Variants in PAM observed in about 807,000 individuals in gnomAD.
PAM encodes the protein peptidyl-glycine alpha-amidating monooxygenase.
A neutral mutation model predicts 122.1 loss-of-function variants in PAM; 72 were observed. That is an observed-to-expected ratio of 0.59 (90% confidence interval 0.49 to 0.72). The LOEUF is 0.72. Among genes scored for constraint, PAM ranks in the 30% least tolerant of loss-of-function variants. The pLI is 0.00. For synonymous variants in PAM, 389 were observed against 404.4 expected (o/e 0.96, Z 0.46); for missense variants, 1,106 against 1,183.7 (o/e 0.93, Z 0.96).
chr5:103,008,130 C>CT (rs921187078), intron 20 of PAM, among the ~76,000 whole-genome samples: 4 of 151,828 alleles, frequency 2.6e-5, no homozygotes, highest in Non-Finnish European at 5.9e-5. Context: ...AAATCTTGAA[C>CT]TTTTTTCTCA....
At chr5:102,887,505 A>G (rs1431870768) in intron 3 of PAM, among the ~76,000 whole-genome samples, 1 of 151,704 alleles carries the variant, frequency 6.6e-6, no homozygotes, top group Non-Finnish European at 1.5e-5. Context: ...ATGGACTAAG[A>G]CAGTTGTGTT....
At position 102,866,380 on chromosome 5, in the gene PAM, G is replaced by A. The variant is rs1785566156; in HGVS notation, c.89+96G>A. ...TGTTGGCAAAATAGACGGGGTTGAT[G>A]TTCTTTGCTGGAATGACTTGGAATT... On this transcript the variant is annotated intron_variant, in intron 2 of 25. Coordinates refer to ENST00000438793, the MANE Select transcript of PAM (RefSeq NM_001177306.2). 4 of 786,318 alleles carry A rather than the reference G, an allele frequency of 5.1e-6. No individual in the cohort carries two copies. The South Asian group carries it at 5.8e-5, about 11-fold the overall frequency. 48.7% of individuals were successfully genotyped at this position (786,318 alleles called of 1,614,324 possible). A position where few individuals can be genotyped will look rare whatever the true frequency, so the allele number is the denominator to read the frequency against.
chr5:103,007,505 G>A lies in PAM; in HGVS notation c.2063G>A (p.Ser688Asn), dbSNP rs1235529352. 6.2e-7 allele frequency: 1 copy of A among 1,614,072 alleles called. No individual in the cohort carries two copies. The change falls in exon 20 of 26, where the codon AGC becomes AAC. Residue 688 changes from serine (S) to asparagine (N), a missense_variant. By Grantham distance (46) the Ser-to-Asn change is conservative. This residue lies in a region of PAM where 103 missense variants were observed against 157.9 expected (regional missense o/e 0.65). Coordinates refer to ENST00000438793, the MANE Select transcript of PAM (RefSeq NM_001177306.2). ...CCAGGCCAGTTCACTGTTCCTCACA[G>A]CTTGGCTCTTGTGCCTCTTTTGGGC... The part of the protein sequence containing the change: ...PLPGQFTVPH[S>N]LALVPLLGQL...
At chr5:102,783,230 CAA>C (rs11329964) in intron 1 of PAM, among the ~76,000 whole-genome samples, 5,319 of 122,164 alleles carry the variant, frequency 0.044, 285 homozygotes, top group African/African-American at 0.13. Flanking sequence ...CCAGATTTAG[CAA>C]AAAAAAAAAA....
chr5:102,846,609 G>C (rs1482634112), intron 1 of PAM, among the ~76,000 whole-genome samples: 5 of 152,152 alleles, frequency 3.3e-5, no homozygotes, highest in African/African-American at 1.2e-4. Context: ...GTTTATACAA[G>C]TGAAAGAGCA....
intron 7 of PAM, among the ~76,000 whole-genome samples, chr5:102,937,622 T>C (rs1753698892): frequency 6.6e-6 from 1 of 152,060 alleles, no homozygotes; most frequent in African/African-American, 2.4e-5. Context: ...GAGTTCAGAG[T>C]GACAGAATGA....
intron 1 of PAM, among the ~76,000 whole-genome samples, chr5:102,815,219 T>C (rs932549078): frequency 6.6e-6 from 1 of 151,888 alleles, no homozygotes; most frequent in Non-Finnish European, 1.5e-5. Context: ...ATAAAGGAGA[T>C]AGTGGGCAGA....
chr5:102,756,607 A>T (rs1298713340), intron 1 of PAM, among the ~76,000 whole-genome samples: 1 of 152,222 alleles, frequency 6.6e-6, no homozygotes, highest in Non-Finnish European at 1.5e-5. Context: ...TTCAGTTTAT[A>T]ATCACAGGCA....
intron 3 of PAM, among the ~76,000 whole-genome samples, chr5:102,882,385 A>G (rs778112067): frequency 1.7e-4 from 25 of 151,158 alleles, no homozygotes; most frequent in Non-Finnish European, 3.3e-4. Context: ...ACCAACATCT[A>G]TTATTTTATA....
intron 15 of PAM, among the ~76,000 whole-genome samples, chr5:102,977,100 G>A (rs1767927955): frequency 6.6e-6 from 1 of 152,154 alleles, no homozygotes; most frequent in African/African-American, 2.4e-5. Flanking sequence ...ATATGATGAT[G>A]AAGCCCATCC....
At chr5:102,774,287 A>G (rs888519573) in intron 1 of PAM, among the ~76,000 whole-genome samples, 1 of 152,126 alleles carries the variant, frequency 6.6e-6, no homozygotes. Context: ...AGGAATTGCC[A>G]TACTGCTTCT....
At chr5:102,994,766 C>T (rs1274103345) in intron 16 of PAM, among the ~76,000 whole-genome samples, 1 of 152,104 alleles carries the variant, frequency 6.6e-6, no homozygotes. Flanking sequence ...TTACATTTAG[C>T]ATTGTTTCAA....
At chr5:102,870,280 A>G (rs773945583) in intron 3 of PAM, among the ~76,000 whole-genome samples, 4 of 152,172 alleles carry the variant, frequency 2.6e-5, no homozygotes, top group Non-Finnish European at 5.9e-5. Flanking sequence ...AGCTATATCA[A>G]TACATCTTAT....
At chr5:102,942,801 G>A (rs1399116093) in intron 7 of PAM, among the ~76,000 whole-genome samples, 1 of 149,662 alleles carries the variant, frequency 6.7e-6, no homozygotes, top group East Asian at 2.0e-4. Flanking sequence ...AAACTCCTGG[G>A]GTCAAGTGAT....
chr5:102,817,347 A>G (rs1561526776), intron 1 of PAM, among the ~76,000 whole-genome samples: 1 of 152,138 alleles, frequency 6.6e-6, no homozygotes, highest in Admixed American at 6.6e-5. Context: ...TGTGGCTGTT[A>G]AGTAATTAAA....
At chr5:102,969,512 A>G (rs2150370340) in intron 14 of PAM, among the ~76,000 whole-genome samples, 1 of 152,138 alleles carries the variant, frequency 6.6e-6, no homozygotes, top group East Asian at 1.9e-4. Flanking sequence ...CACTATGACA[A>G]TCAAAAGATA....
chr5:102,842,512 A>G (rs1008598348), intron 1 of PAM, among the ~76,000 whole-genome samples: 1 of 152,148 alleles, frequency 6.6e-6, no homozygotes, highest in African/African-American at 2.4e-5. Flanking sequence ...TTCCACCATC[A>G]TTGTGAGGCC....
chr5:102,860,315 G>C, intron 1 of PAM, among the ~76,000 whole-genome samples: 1 of 152,170 alleles, frequency 6.6e-6, no homozygotes, highest in South Asian at 2.1e-4. Flanking sequence ...TGTTCACAAA[G>C]GGCAAGTGAG....
At chr5:102,815,354 T>G (rs867494430) in intron 1 of PAM, among the ~76,000 whole-genome samples, 5 of 151,808 alleles carry the variant, frequency 3.3e-5, no homozygotes, top group Middle Eastern at 3.2e-3. Context: ...TAGGAGGAGG[T>G]AAAGAAGCAG....
Sources: gnomAD v4.1 joint callset for allele counts (sites outside exome capture counted in the v4.1 genomes callset) on GRCh38, gnomAD v4.1.1 for gene constraint, gnomAD v4.1.1 regional missense constraint, MANE v1.5 for transcripts, NCBI Gene and HGNC (gene_info 2026-07-23, HGNC 2026-07-21) for gene names.